Variants in GOLM1 observed in about 807,000 individuals in gnomAD.
GOLM1 encodes epididymis luminal protein 46.
GOLM1 carries 31 observed loss-of-function variants against 50.5 expected under a neutral mutation model. The observed-to-expected ratio is 0.61, with a 90% CI of 0.46 to 0.83. GOLM1 has a LOEUF of 0.83. Ranked by LOEUF, GOLM1 falls within the 40% of genes least tolerant of loss-of-function variation. GOLM1 has a pLI of 0.00. For missense variants in GOLM1, 491 were observed against 501.3 expected (o/e 0.98, Z 0.20); for synonymous variants, 178 against 192.8 (o/e 0.92, Z 0.64).
At chr9:86,041,257 T>A (rs1833338104) in intron 5 of GOLM1, among the ~76,000 whole-genome samples, 1 of 152,160 alleles carries the variant, frequency 6.6e-6, no homozygotes, top group Non-Finnish European at 1.5e-5. Flanking sequence ...TACTTGAGTT[T>A]ATACTAATAA....
At chr9:86,070,576 A>C (rs191667156) in intron 3 of GOLM1, among the ~76,000 whole-genome samples, 2 of 151,840 alleles carry the variant, frequency 1.3e-5, no homozygotes, top group Admixed American at 1.3e-4. Context: ...ACCTCAAAAA[A>C]AAAAAACAAA....
intron 1 of GOLM1, among the ~76,000 whole-genome samples, chr9:86,090,077 T>A (rs1284363871): frequency 6.6e-6 from 1 of 152,068 alleles, no homozygotes; most frequent in Non-Finnish European, 1.5e-5. Flanking sequence ...AGTGGAGGCA[T>A]CAGAAAAGCA....
Position 86,026,383 on chromosome 9 carries a change from G to A in GOLM1, c.*1434C>T. On this transcript the variant is annotated 3_prime_UTR_variant, in exon 10 of 10. Coordinates refer to ENST00000388712, the MANE Select transcript of GOLM1 (RefSeq NM_016548.4). ...ACTAAGGACATCACATATGAAGAAT[G>A]TTTAAGTTGGAGGTGGCAACGTGAA... 4.1e-6 allele frequency: 4 copies of A among 985,272 alleles called. No individual in the cohort carries two copies. The highest frequency in any genetic ancestry group is 4.8e-6 in the Non-Finnish European group (4 of 829,878). 61.0% of individuals were successfully genotyped at this position (985,272 alleles called of 1,614,324 possible).
chr9:86,086,180 G>T (rs947818756), intron 1 of GOLM1, among the ~76,000 whole-genome samples: 1 of 152,130 alleles, frequency 6.6e-6, no homozygotes, highest in African/African-American at 2.4e-5. Context: ...GGCGTGAGAT[G>T]GTATCTCATT....
Position 86,039,671 on chromosome 9 carries a change from CAA to C in GOLM1, c.597+1066_597+1067del, listed in dbSNP as rs893695051. On this transcript the variant is annotated intron_variant, in intron 6 of 9. Transcript: ENST00000388712. ...GAGCCCTGAGGTATTCATACTCAGT[CAA>C]AGATACCAGACAGTCCGGGCGTGGT... is the stretch of plus-strand genomic sequence containing the variant. 1.3e-4 allele frequency among the ~76,000 whole-genome samples: 20 copies of C among 152,230 alleles called. 1 individual carries two copies. In the East Asian group the frequency reaches 3.3e-3, roughly 25 times the overall value.
At chr9:86,030,774 A>G (rs1174209626) in intron 9 of GOLM1, among the ~76,000 whole-genome samples, 1 of 152,224 alleles carries the variant, frequency 6.6e-6, no homozygotes, top group African/African-American at 2.4e-5. Flanking sequence ...TGGTTATATA[A>G]GATGTTAACA....
At chr9:86,061,686 T>G (rs564701972) in intron 3 of GOLM1, among the ~76,000 whole-genome samples, 5 of 152,314 alleles carry the variant, frequency 3.3e-5, no homozygotes, top group Non-Finnish European at 5.9e-5. Context: ...CAGGGTGGCC[T>G]GCTGAGTTTT....
intron 1 of GOLM1, among the ~76,000 whole-genome samples, chr9:86,085,279 T>A (rs1452775883): frequency 6.6e-6 from 1 of 152,210 alleles, no homozygotes; most frequent in East Asian, 1.9e-4. Flanking sequence ...TTCATTTTGG[T>A]GAAATGCCTT....
At chr9:86,097,996 A>C (rs1835405342) in intron 1 of GOLM1, among the ~76,000 whole-genome samples, 1 of 152,116 alleles carries the variant, frequency 6.6e-6, no homozygotes, top group African/African-American at 2.4e-5. Context: ...CTTAATATCC[A>C]AGTCACCACA....
At chr9:86,066,487 C>G (rs1834311383) in intron 3 of GOLM1, among the ~76,000 whole-genome samples, 1 of 152,204 alleles carries the variant, frequency 6.6e-6, no homozygotes, top group Non-Finnish European at 1.5e-5. Context: ...ACTCAGCAAT[C>G]TTTTTGTTTT....
At chr9:86,031,359 TG>T (rs1003522819) in intron 9 of GOLM1, among the ~76,000 whole-genome samples, 22 of 150,666 alleles carry the variant, frequency 1.5e-4, no homozygotes, top group Non-Finnish European at 2.9e-5. Flanking sequence ...TCAGAGAAGA[TG>T]GGGAAGTAAT....
chr9:86,051,645 G>A (rs893975328), intron 4 of GOLM1, among the ~76,000 whole-genome samples: 1 of 152,178 alleles, frequency 6.6e-6, no homozygotes, highest in Non-Finnish European at 1.5e-5. Context: ...TTTTGGGGGT[G>A]ATGAATATGC....
rs376935461 is a variant in GOLM1 at position 86,035,342 on chromosome 9, A to G, written c.1015+26T>C. On this transcript the variant is annotated intron_variant, in intron 8 of 9. Coordinates refer to ENST00000388712, the MANE Select transcript of GOLM1 (RefSeq NM_016548.4). ...GGGTGTCTGGTGGAAGGGAGTCCAC[A>G]GCGGCCCCCGAAACTTCACACCCAC... 3.7e-6 allele frequency: 6 copies of G among 1,606,908 alleles called. No individual in the cohort carries two copies. The African/African-American group carries it at 6.7e-5, about 18-fold the overall frequency.
intron 3 of GOLM1, among the ~76,000 whole-genome samples, chr9:86,072,722 C>T (rs1451454843): frequency 1.3e-5 from 2 of 152,174 alleles, no homozygotes; most frequent in African/African-American, 4.8e-5. Flanking sequence ...TGGGGATAGG[C>T]TCTGAGAAAT....
intron 3 of GOLM1, among the ~76,000 whole-genome samples, chr9:86,059,311 G>A (rs528674237): frequency 8.5e-5 from 13 of 152,282 alleles, no homozygotes; most frequent in African/African-American, 2.6e-4. Context: ...GTCAACAGGC[G>A]AACAGATAAA....
chr9:86,029,906 T>C (rs1002627246), intron 9 of GOLM1, among the ~76,000 whole-genome samples: 1 of 152,148 alleles, frequency 6.6e-6, no homozygotes, highest in Non-Finnish European at 1.5e-5. Flanking sequence ...AGTAGGAAAC[T>C]AGGCCCAATT....
chr9:86,088,444 A>G lies in GOLM1; in HGVS notation c.-21-9103T>C, dbSNP rs1410538625. On this transcript the variant is annotated intron_variant, in intron 1 of 9. Coordinates refer to ENST00000388712, the MANE Select transcript of GOLM1 (RefSeq NM_016548.4). ...TGTATATATATATATATATATATAT[A>G]TATATATATATATTTAGGATAGATA... 1.0e-4 allele frequency among the ~76,000 whole-genome samples: 13 copies of G among 127,152 alleles called. 1 individual carries two copies. The highest frequency in any genetic ancestry group is 4.0e-4 in the African/African-American group (13 of 32,742). The allele number at this position is 127,152 out of a possible 152,430, so 83.4% of individuals were successfully genotyped here.
At chr9:86,037,149 G>A (rs565951382) in intron 6 of GOLM1, among the ~76,000 whole-genome samples, 5 of 152,106 alleles carry the variant, frequency 3.3e-5, no homozygotes, top group Non-Finnish European at 7.4e-5. Context: ...GCGCGGTGGC[G>A]CACACCTGTA....
chr9:86,035,603 C>T lies in GOLM1; in HGVS notation c.780G>A (p.Val260=), dbSNP rs1298539907. Residue 260 remains valine (V), a synonymous_variant, in exon 8 of 10, where the codon GTG becomes GTA. Coordinates refer to ENST00000388712, the MANE Select transcript of GOLM1 (RefSeq NM_016548.4). ...TGTCCCTCTGAGGCTCCTCATTCAC[C>T]ACCTGGATCTCATTGGTTTCCTCTG... The part of the protein sequence containing the change: ...VEKEETNEIQ[V]VNEEPQRDRL... 6.2e-6 allele frequency: 10 copies of T among 1,602,704 alleles called. No individual in the cohort carries two copies. Among genetic ancestry groups the T allele is most frequent in the Non-Finnish European group, 8.5e-6 (10 of 1,178,776 alleles).
Sources: gnomAD v4.1 joint callset for allele counts (sites outside exome capture counted in the v4.1 genomes callset) on GRCh38, gnomAD v4.1.1 for gene constraint, MANE v1.5 for transcripts, NCBI Gene and HGNC (gene_info 2026-07-23, HGNC 2026-07-21) for gene names.